COL14A1: variants seen among roughly 807,000 people sequenced by gnomAD.
The protein encoded by COL14A1 is collagen alpha-1(XIV) chain.
A neutral mutation model predicts 230.3 loss-of-function variants in COL14A1; 136 were observed. The observed-to-expected ratio is 0.59, with a 90% CI of 0.51 to 0.68. COL14A1 has a LOEUF of 0.68. COL14A1 is among the 30% of genes least tolerant of loss of function. The pLI, the probability that COL14A1 is intolerant of heterozygous loss-of-function variation, is 0.00. For missense variants in COL14A1, 1,976 were observed against 2,215.8 expected, an observed-to-expected ratio of 0.89 and a Z score of 2.17; for synonymous variants, 792 against 784.1, an observed-to-expected ratio of 1.01 and a Z score of -0.17.
chr8:120,275,104 C>G (rs1428358089), intron 26 of COL14A1, among the ~76,000 whole-genome samples: 1 of 151,844 alleles, frequency 6.6e-6, no homozygotes, highest in African/African-American at 2.4e-5. Flanking sequence ...TACTACAAGA[C>G]CATAGTTACT....
chr8:120,249,251 G>T (rs1315305753), intron 21 of COL14A1, among the ~76,000 whole-genome samples: 1 of 151,764 alleles, frequency 6.6e-6, no homozygotes, highest in Non-Finnish European at 1.5e-5. Context: ...TATGGTTCTC[G>T]CCCCATATCA....
chr8:120,136,854 C>T (rs977619131), intron 1 of COL14A1, among the ~76,000 whole-genome samples: 2 of 148,638 alleles, frequency 1.3e-5, no homozygotes, highest in Admixed American at 6.8e-5. Flanking sequence ...AGTCCCAGCT[C>T]TTCGGGAGGC....
At chr8:120,186,873 C>T (rs1816669593) in intron 5 of COL14A1, among the ~76,000 whole-genome samples, 2 of 152,202 alleles carry the variant, frequency 1.3e-5, no homozygotes, top group Admixed American at 1.3e-4. Context: ...CAAAAGTCCT[C>T]CCCAGTCAAG....
intron 14 of COL14A1, among the ~76,000 whole-genome samples, chr8:120,217,940 T>C (rs1362176745): frequency 4.8e-5 from 7 of 145,662 alleles, no homozygotes; most frequent in Admixed American, 4.3e-4. Context: ...TGAGGCTAAC[T>C]TAGGCTATAT....
chr8:120,363,660 T>A (rs2130376342), intron 45 of COL14A1, among the ~76,000 whole-genome samples: 1 of 152,308 alleles, frequency 6.6e-6, no homozygotes, highest in South Asian at 2.1e-4. Flanking sequence ...TTCCAGTATT[T>A]ATTGGGCCAC....
At chr8:120,180,212 A>G (rs527930431) in intron 5 of COL14A1, among the ~76,000 whole-genome samples, 19 of 152,356 alleles carry the variant, frequency 1.2e-4, no homozygotes, top group African/African-American at 4.3e-4. Context: ...ACTATTCTGT[A>G]ACATATTTTA....
At chr8:120,166,875 AGTGTGTGTGTGTGTGTGTGTGTGTGTGT>A (rs4053270) in intron 4 of COL14A1, among the ~76,000 whole-genome samples, 2 of 116,974 alleles carry the variant, frequency 1.7e-5, no homozygotes, top group South Asian at 3.4e-4. Flanking sequence ...AAAGAATTTA[AGTGTGTGTGTGTGTGTGTGTGTGTGTGT>A]GTGTGTGTGT....
At chr8:120,247,410 G>A (rs1347701413) in intron 20 of COL14A1, among the ~76,000 whole-genome samples, 3 of 138,164 alleles carry the variant, frequency 2.2e-5, no homozygotes, top group African/African-American at 5.6e-5. Flanking sequence ...GTGACAGAGT[G>A]AGACTCTGTC....
intron 5 of COL14A1, among the ~76,000 whole-genome samples, chr8:120,174,220 T>C (rs1816201069): frequency 6.6e-6 from 1 of 152,008 alleles, no homozygotes; most frequent in African/African-American, 2.4e-5. Context: ...TTAATATTTT[T>C]AAGGGAGAAT....
chr8:120,239,832 GT>G (rs778744181), intron 19 of COL14A1, among the ~76,000 whole-genome samples: 24 of 99,218 alleles, frequency 2.4e-4, no homozygotes, highest in African/African-American at 4.7e-4. Flanking sequence ...TCTGTTTTTT[GT>G]TTTTTTTTTG....
intron 23 of COL14A1, among the ~76,000 whole-genome samples, chr8:120,257,800 C>T (rs1205090093): frequency 1.3e-5 from 2 of 152,204 alleles, no homozygotes; most frequent in African/African-American, 4.8e-5. Flanking sequence ...TCCCAGTTGA[C>T]CTCTTTCTGA....
At chr8:120,323,204 C>T (rs527358877) in intron 40 of COL14A1, among the ~76,000 whole-genome samples, 5 of 151,854 alleles carry the variant, frequency 3.3e-5, no homozygotes, top group Admixed American at 2.6e-4. Flanking sequence ...TTGTTGGCTG[C>T]GTGCATGTCT....
At chr8:120,291,476 C>T (rs1185212483) in intron 34 of COL14A1, among the ~76,000 whole-genome samples, 1 of 145,246 alleles carries the variant, frequency 6.9e-6, no homozygotes, top group Non-Finnish European at 1.5e-5. Context: ...AGGAGAATTG[C>T]TTGACCCCAG....
chr8:120,220,244 A>G (rs1423752546), intron 14 of COL14A1, among the ~76,000 whole-genome samples: 11 of 151,914 alleles, frequency 7.2e-5, no homozygotes, highest in Admixed American at 5.3e-4. Context: ...AAATGTCCCA[A>G]TTAAAATCTG....
In COL14A1 at chr8:120,293,971, G is replaced by C. The variant is rs149958620; in HGVS notation, c.4237-3540G>C. On this transcript the variant is annotated intron_variant, in intron 34 of 47. Coordinates refer to ENST00000297848, the MANE Select transcript of COL14A1 (RefSeq NM_021110.4). ...AAACAATCAGTTCAATAGTTGACAA[G>C]TGGTAAATGCACAATCTTAGTTTTG... is the stretch of plus-strand genomic sequence containing the variant. Among the ~76,000 whole-genome samples, 256 of 151,970 alleles carry C rather than the reference G, an allele frequency of 1.7e-3. 1 individual carries two copies. Among genetic ancestry groups the C allele is most frequent in the African/African-American group, 6.0e-3 (248 of 41,540 alleles).
chr8:120,232,624 T>C (rs1284652636), intron 19 of COL14A1, among the ~76,000 whole-genome samples: 1 of 152,182 alleles, frequency 6.6e-6, no homozygotes, highest in Non-Finnish European at 1.5e-5. Flanking sequence ...TGCATAGTAT[T>C]CCATGGTGTA....
chr8:120,309,932 A>T, intron 36 of COL14A1, 77 bp from the exon 37 acceptor site: 1 of 1,379,736 alleles, frequency 7.2e-7, no homozygotes, highest in Non-Finnish European at 1.0e-6. Context: ...GAGTTAATTC[A>T]TACTATTAAG....
intron 9 of COL14A1, 95 bp downstream of exon 9, chr8:120,203,965 CT>C: frequency 7.7e-7 from 1 of 1,294,432 alleles, no homozygotes; most frequent in South Asian, 1.6e-5. Flanking sequence ...TTCATGTTGG[CT>C]TTTTGAAGAC....
At chr8:120,189,608 A>G in intron 5 of COL14A1, among the ~76,000 whole-genome samples, 1 of 148,774 alleles carries the variant, frequency 6.7e-6, no homozygotes, top group African/African-American at 2.4e-5. Context: ...AGCATTAGGT[A>G]TATCTCCTAA....
Sources: allele counts gnomAD v4.1 joint callset (sites outside exome capture counted in the v4.1 genomes callset), GRCh38; gene constraint gnomAD v4.1.1; transcripts MANE v1.5; gene names NCBI Gene and HGNC (gene_info 2026-07-23, HGNC 2026-07-21).